The following ACOX2 variants were observed in gnomAD, a reference collection of about 807,000 sequenced individuals.
ACOX2 encodes acyl-CoA oxidase 2.
A neutral mutation model predicts 77.5 loss-of-function variants in ACOX2; 59 were observed. The observed-to-expected ratio is 0.76, with a 90% confidence interval of 0.62 to 0.95. The LOEUF is 0.95. Ranked by LOEUF, ACOX2 falls within the 40% of genes least tolerant of loss-of-function variation. The pLI is 0.00. For synonymous variants in ACOX2, 317 were observed against 340.1 expected (o/e 0.93, Z 0.75); for missense variants, 837 against 880.4 (o/e 0.95, Z 0.62).
intron 12 of ACOX2, among the ~76,000 whole-genome samples, chr3:58,517,685 G>A (rs960044342): frequency 6.6e-6 from 1 of 151,976 alleles, no homozygotes; most frequent in Non-Finnish European, 1.5e-5. Flanking sequence ...TGCTTGGAGC[G>A]GTTTCAAGTA....
chr3:58,512,475 A>G lies in ACOX2; in HGVS notation c.1851-3450T>C, dbSNP rs184215337. Among the ~76,000 whole-genome samples the G allele has an allele frequency of 2.0e-5, 3 of 152,268 alleles. No individual in the cohort carries two copies. The highest frequency in any genetic ancestry group is 6.5e-5 in the Admixed American group (1 of 15,294). On this transcript the variant is annotated intron_variant, in intron 13 of 14. Transcript: ENST00000302819. This position sits in a 1 kb window ranked among gnomAD's most constrained non-coding sequence, Gnocchi z 4.8. ...GATTCTTTTAGGTTGTGTCTATCCA[A>G]TGCTCAAAACCCTCCCATTCTATCC...
At chr3:58,511,417 A>C (rs894025820) in intron 13 of ACOX2, 1 of 266,586 alleles carries the variant, frequency 3.8e-6, no homozygotes, top group African/African-American at 2.3e-5. Context: ...ACCTCAGTCC[A>C]TTCTTACAGT....
At chr3:58,508,692 A>G (rs1477210826) in intron 14 of ACOX2, among the ~76,000 whole-genome samples, 3 of 152,088 alleles carry the variant, frequency 2.0e-5, no homozygotes, top group African/African-American at 7.2e-5. Flanking sequence ...GCTGATTACA[A>G]TCCAGGCTCA....
At chr3:58,518,075 C>CAAAAAAAAAAAA (rs763535906) in intron 12 of ACOX2, among the ~76,000 whole-genome samples, 6 of 47,674 alleles carry the variant, frequency 1.3e-4, no homozygotes, top group East Asian at 6.1e-4. Context: ...AACTCCATCT[C>CAAAAAAAAAAAA]AAAAAAAAAA....
chr3:58,508,464 C>A (rs1000629463), intron 14 of ACOX2, among the ~76,000 whole-genome samples: 4 of 151,952 alleles, frequency 2.6e-5, no homozygotes, highest in Admixed American at 1.3e-4. Context: ...CCTCAAGCTT[C>A]CTACCACTTC....
At chr3:58,529,020 G>T in intron 8 of ACOX2, 64 bp from the exon 9 acceptor site, 2 of 1,470,820 alleles carry the variant, frequency 1.4e-6, no homozygotes, top group South Asian at 1.5e-5. Context: ...CCCTATCCCC[G>T]ACACCATAAA....
chr3:58,530,760 G>T, intron 7 of ACOX2, 122 bp from the exon 8 acceptor site: 1 of 1,240,220 alleles, frequency 8.1e-7, no homozygotes, highest in Non-Finnish European at 1.1e-6. Context: ...CGCATCTGGA[G>T]TTGGAGTGTT....
At chr3:58,529,082 A>G (rs1345421980) in intron 8 of ACOX2, 126 bp from the exon 9 acceptor site, 6 of 941,404 alleles carry the variant, frequency 6.4e-6, no homozygotes, top group South Asian at 2.2e-5. Context: ...TTGAACTGAC[A>G]TGAGGCCATT....
At chr3:58,513,116 C>G (rs4317122) in intron 13 of ACOX2, among the ~76,000 whole-genome samples, 1 of 151,858 alleles carries the variant, frequency 6.6e-6, no homozygotes, top group South Asian at 2.1e-4. Context: ...AATTGTAGCT[C>G]CCCCTCCTCC....
chr3:58,517,525 G>T, intron 12 of ACOX2, 102 bp from the exon 13 acceptor site: 1 of 1,148,154 alleles, frequency 8.7e-7, no homozygotes, highest in Non-Finnish European at 1.3e-6. Context: ...GAGGCATGAT[G>T]TGCTTCCCAG....
At chr3:58,516,652 A>G in intron 13 of ACOX2, among the ~76,000 whole-genome samples, 1 of 152,186 alleles carries the variant, frequency 6.6e-6, no homozygotes. Context: ...AGCCTGGTCA[A>G]CATGGCGAAA....
intron 8 of ACOX2, 121 bp from the exon 9 acceptor site, chr3:58,529,077 C>T (rs991275056): frequency 3.0e-6 from 3 of 1,014,092 alleles, no homozygotes; most frequent in Non-Finnish European, 1.4e-6. Context: ...AAAACTTGAA[C>T]TGACATGAGG....
rs2063228510 is a variant in ACOX2, at chr3:58,505,621, T to G, written c.1984-335A>C. Among the ~76,000 whole-genome samples the G allele has an allele frequency of 6.6e-6, 1 of 152,164 alleles. No individual in the cohort carries two copies. The highest frequency in any genetic ancestry group is 2.1e-4 in the South Asian group (1 of 4,820). ...ATTAATCACAAAGCAAGGAACCAGA[T>G]AGGGATCATATAAGCAGTATTCTAG... On this transcript the variant is annotated intron_variant, in intron 14 of 14. Coordinates refer to ENST00000302819, the MANE Select transcript of ACOX2 (RefSeq NM_003500.4). This position sits in a 1 kb window ranked among gnomAD's most constrained non-coding sequence, Gnocchi z 4.4.
chr3:58,528,230 C>G lies in ACOX2; in HGVS notation c.1155+564G>C, dbSNP rs2108005773. On this transcript the variant is annotated intron_variant, in intron 9 of 14. Coordinates refer to ENST00000302819, the MANE Select transcript of ACOX2 (RefSeq NM_003500.4). This position sits in a 1 kb window ranked among gnomAD's most constrained non-coding sequence, Gnocchi z 5.6. ...GAGCAGTGCTTATAAAGCATGGTAG[C>G]CTGGACAGACTGAATTTTACTATAT... Among the ~76,000 whole-genome samples the G allele has an allele frequency of 6.6e-6, 1 of 152,274 alleles. No individual in the cohort carries two copies. The highest frequency in any genetic ancestry group is 1.9e-4 in the East Asian group (1 of 5,190).
chr3:58,530,827 C>T (rs2063433230), intron 7 of ACOX2, among the ~76,000 whole-genome samples, 189 bp from the exon 8 acceptor site: 1 of 152,186 alleles, frequency 6.6e-6, no homozygotes, highest in South Asian at 2.1e-4. Flanking sequence ...CCTGGGACAC[C>T]CCGGACCTCC....
In ACOX2 at chr3:58,522,905, A is replaced by G; in HGVS notation, c.1527-304T>C. The G allele has an allele frequency of 8.9e-6, 3 of 338,900 alleles. No individual in the cohort carries two copies. The highest frequency in any genetic ancestry group is 7.7e-5 in the Admixed American group (2 of 25,978). 21.0% of individuals were successfully genotyped at this position (338,900 alleles called of 1,614,324 possible). A position where few individuals can be genotyped will look rare whatever the true frequency, so the allele number is the denominator to read the frequency against. ...CGCCATGTTATAAAGCCTCAGGGCC[A>G]CAGGCCAGGAGCTGTCCCCTATTTC... On this transcript the variant is annotated intron_variant, in intron 11 of 14. Coordinates refer to ENST00000302819, the MANE Select transcript of ACOX2 (RefSeq NM_003500.4). This position sits in a 1 kb window ranked among gnomAD's most constrained non-coding sequence, Gnocchi z 4.3.
chr3:58,530,444 T>C (rs2063429109), intron 8 of ACOX2, 22 bp downstream of exon 8: 3 of 1,610,238 alleles, frequency 1.9e-6, no homozygotes, highest in Non-Finnish European at 2.5e-6. Context: ...TCTGCGGTAG[T>C]CAGTCACTGG....
In ACOX2 at chr3:58,526,641, T is replaced by A. The variant is rs1286183218; in HGVS notation, c.1171A>T (p.Thr391Ser). ...TCTGACATCATGGCCTTCATGCCCG[T>A]GCTCAGTGCGTGGAGCTGTGAGAAC... Reference protein sequence around the residue: ...SFLPELHALSTGMKAMMSEFC... With the variant: ...SFLPELHALSSGMKAMMSEFC... The change falls in exon 10 of 15, where the codon ACG (threonine) becomes TCG (serine). Residue 391 changes from threonine to serine, a missense_variant. Thr to Ser is a moderately conservative substitution (Grantham distance 58). Coordinates refer to ENST00000302819, the MANE Select transcript of ACOX2 (RefSeq NM_003500.4). The surrounding 1 kb of genome is among the most constrained non-coding windows in gnomAD (Gnocchi z 4.3). 1.5e-5 allele frequency: 24 copies of A among 1,614,056 alleles called. No individual in the cohort carries two copies. Among genetic ancestry groups the A allele is most frequent in the Non-Finnish European group, 2.0e-5 (24 of 1,179,996 alleles).
At chr3:58,508,205 C>G (rs1014284009) in intron 14 of ACOX2, among the ~76,000 whole-genome samples, 56 of 152,312 alleles carry the variant, frequency 3.7e-4, no homozygotes, top group African/African-American at 1.3e-3. Context: ...CGAGCATACC[C>G]TGGCCCTTGA....
Sources: gnomAD v4.1 joint callset for allele counts (sites outside exome capture counted in the v4.1 genomes callset) on GRCh38, gnomAD v4.1.1 for gene constraint, Gnocchi (gnomAD v3.1) non-coding constraint, MANE v1.5 for transcripts, NCBI Gene and HGNC (gene_info 2026-07-23, HGNC 2026-07-21) for gene names.